Variants in TMTC2 observed in about 807,000 individuals in gnomAD.
TMTC2 encodes protein O-mannosyl-transferase TMTC2.
TMTC2 carries 43 observed loss-of-function variants against 82.4 expected under a neutral mutation model. The ratio of observed to expected loss-of-function variants is 0.52; its 90% CI spans 0.41 to 0.67. The LOEUF (loss-of-function observed/expected upper bound fraction) is 0.67. Among genes scored for constraint, TMTC2 ranks in the 30% least tolerant of loss-of-function variants. TMTC2 has a pLI of 0.00. For missense variants in TMTC2, 919 were observed against 1,012.4 expected (o/e 0.91, Z 1.25); for synonymous variants, 408 against 381.9 (o/e 1.07, Z -0.80).
At chr12:82,717,480 C>T (rs1486697346) in intron 1 of TMTC2, among the ~76,000 whole-genome samples, 3 of 152,084 alleles carry the variant, frequency 2.0e-5, no homozygotes, top group Non-Finnish European at 2.9e-5. Context: ...ATCCACCTGC[C>T]TCGGCCTCCC....
At chr12:82,976,143 G>T (rs1878663842) in intron 7 of TMTC2, among the ~76,000 whole-genome samples, 2 of 152,084 alleles carry the variant, frequency 1.3e-5, no homozygotes, top group South Asian at 4.1e-4. Flanking sequence ...GCATTTAATA[G>T]AATTGGCTTT....
chr12:82,779,554 A>G (rs1877786007), intron 1 of TMTC2, among the ~76,000 whole-genome samples: 1 of 152,166 alleles, frequency 6.6e-6, no homozygotes, highest in African/African-American at 2.4e-5. Flanking sequence ...AGATGTGATA[A>G]TAGATGGCAT....
rs1465287692 is a variant in TMTC2 at position 83,132,661 on chromosome 12, T to TA, written c.*277dup. 3 of 362,118 alleles carry TA rather than the reference T, an allele frequency of 8.3e-6. No homozygotes were observed. The East Asian group carries it at 1.7e-4, about 21-fold the overall frequency. The allele number at this position is 362,118 out of a possible 1,614,324, so 22.4% of individuals were successfully genotyped here. ...TTAAAACAGAACCTTTTGGCATTCT[T>TA]AAAAAGGGAGGGGTGGGTGTGTAAG... On this transcript the variant is annotated 3_prime_UTR_variant, in exon 12 of 12. Transcript: ENST00000321196.
intron 1 of TMTC2, among the ~76,000 whole-genome samples, chr12:82,720,658 A>T (rs1337420299): frequency 1.3e-5 from 2 of 152,202 alleles, no homozygotes; most frequent in Admixed American, 1.3e-4. Context: ...GAGCTGCTGC[A>T]CTGTTTTCCA....
chr12:83,036,408 T>G (rs1301938309), intron 9 of TMTC2, among the ~76,000 whole-genome samples: 2 of 151,932 alleles, frequency 1.3e-5, no homozygotes, highest in Non-Finnish European at 2.9e-5. Context: ...CTATTATCAG[T>G]TTTAGAATGC....
intron 8 of TMTC2, among the ~76,000 whole-genome samples, chr12:82,996,498 T>G (rs1454666169): frequency 6.6e-6 from 1 of 152,226 alleles, no homozygotes; most frequent in East Asian, 1.9e-4. Context: ...TAATTGAGGC[T>G]CTTTGTCAAA....
chr12:82,964,668 G>T (rs962353051), intron 4 of TMTC2, among the ~76,000 whole-genome samples: 1 of 152,110 alleles, frequency 6.6e-6, no homozygotes, highest in Non-Finnish European at 1.5e-5. Context: ...CCTTAGGCAA[G>T]CTTCATTTCC....
chr12:82,759,208 C>T (rs1350197362), intron 1 of TMTC2: 1 of 152,168 alleles, frequency 6.6e-6, no homozygotes, highest in Non-Finnish European at 1.5e-5. Context: ...ATCTTTTGAA[C>T]ATTTAAATGA....
At chr12:82,895,564 T>A (rs1873616581) in intron 2 of TMTC2, among the ~76,000 whole-genome samples, 1 of 152,082 alleles carries the variant, frequency 6.6e-6, no homozygotes, top group South Asian at 2.1e-4. Context: ...TGATTATTGG[T>A]ATTTTAGAGA....
At chr12:82,914,433 A>G (rs191385141) in intron 3 of TMTC2, among the ~76,000 whole-genome samples, 67 of 152,310 alleles carry the variant, frequency 4.4e-4, no homozygotes, top group Non-Finnish European at 7.8e-4. Flanking sequence ...CACATGGAAT[A>G]TTCTCCCTGA....
At chr12:83,105,309 T>C (rs140566965) in intron 11 of TMTC2, among the ~76,000 whole-genome samples, 57 of 152,254 alleles carry the variant, frequency 3.7e-4, no homozygotes, top group African/African-American at 1.2e-3. Context: ...GGTACCTTTA[T>C]AGCAGTGCCC....
At chr12:82,846,706 T>C (rs1870702246) in intron 1 of TMTC2, among the ~76,000 whole-genome samples, 1 of 152,232 alleles carries the variant, frequency 6.6e-6, no homozygotes, top group South Asian at 2.1e-4. Context: ...CAGCAGTTAT[T>C]CGGGGTCGCT....
intron 1 of TMTC2, among the ~76,000 whole-genome samples, chr12:82,714,193 T>C (rs1391151861): frequency 1.3e-5 from 2 of 152,240 alleles, no homozygotes; most frequent in African/African-American, 4.8e-5. Context: ...GAGAATGGGA[T>C]TATTGTAAAT....
At chr12:82,907,473 CAAA>C (rs554890834) in intron 3 of TMTC2, among the ~76,000 whole-genome samples, 1 of 131,782 alleles carries the variant, frequency 7.6e-6, no homozygotes, top group African/African-American at 2.8e-5. Context: ...AACTCCATCT[CAAA>C]AAAAAAAAAA....
At chr12:82,905,550 T>C (rs1874247333) in intron 3 of TMTC2, among the ~76,000 whole-genome samples, 1 of 152,228 alleles carries the variant, frequency 6.6e-6, no homozygotes. Flanking sequence ...AAAAGATATA[T>C]GTAAAATTTC....
At chr12:82,936,107 T>C (rs1876302868) in intron 4 of TMTC2, among the ~76,000 whole-genome samples, 1 of 151,934 alleles carries the variant, frequency 6.6e-6, no homozygotes, top group Non-Finnish European at 1.5e-5. Flanking sequence ...ATAATATATA[T>C]GAAAATCATA....
At chr12:83,126,721 G>A (rs1428886334) in intron 11 of TMTC2, among the ~76,000 whole-genome samples, 1 of 151,980 alleles carries the variant, frequency 6.6e-6, no homozygotes, top group African/African-American at 2.4e-5. Context: ...TTTCTACCTT[G>A]CATCAAACCA....
intron 3 of TMTC2, among the ~76,000 whole-genome samples, chr12:82,907,989 G>C (rs1874415688): frequency 6.6e-6 from 1 of 151,984 alleles, no homozygotes; most frequent in South Asian, 2.1e-4. Flanking sequence ...GCAGGCACCT[G>C]TAGTCCCAGC....
intron 11 of TMTC2, among the ~76,000 whole-genome samples, chr12:83,082,446 C>T (rs1030120992): frequency 6.6e-6 from 1 of 152,166 alleles, no homozygotes; most frequent in Non-Finnish European, 1.5e-5. Flanking sequence ...AAGTGCAAGT[C>T]CTTAAAGCCC....
Sources: allele counts gnomAD v4.1 joint callset (sites outside exome capture counted in the v4.1 genomes callset), GRCh38; gene constraint gnomAD v4.1.1; transcripts MANE v1.5; gene names NCBI Gene and HGNC (gene_info 2026-07-23, HGNC 2026-07-21).